The following AOAH variants were observed in gnomAD, a reference collection of about 807,000 sequenced individuals.
The protein encoded by AOAH is acyloxyacyl hydrolase (neutrophil).
In AOAH, 64 loss-of-function variants were observed where a neutral mutation model predicts 92.2. The observed-to-expected ratio is 0.69, with a 90% CI of 0.57 to 0.86. The LOEUF is 0.86. AOAH is among the 40% of genes least tolerant of loss of function. The pLI, the probability that AOAH is intolerant of heterozygous loss-of-function variation, is 0.00. For missense variants in AOAH, 656 were observed against 694.6 expected (o/e 0.94, Z 0.62); for synonymous variants, 263 against 254.5 (o/e 1.03, Z -0.32).
chr7:36,527,042 G>A (rs1784433647), intron 19 of AOAH, among the ~76,000 whole-genome samples: 1 of 152,220 alleles, frequency 6.6e-6, no homozygotes, highest in Non-Finnish European at 1.5e-5. Context: ...TTGGGGAGGT[G>A]TGGTGCAGAC....
At chr7:36,618,413 T>TA in intron 9 of AOAH, 68 bp from the exon 10 acceptor site, 1 of 1,444,882 alleles carries the variant, frequency 6.9e-7, no homozygotes, top group Non-Finnish European at 9.7e-7. Context: ...ACTAAAGCTC[T>TA]CCTAAATGGC....
chr7:36,645,300 C>T (rs1265988996), intron 4 of AOAH, among the ~76,000 whole-genome samples: 1 of 152,140 alleles, frequency 6.6e-6, no homozygotes, highest in Non-Finnish European at 1.5e-5. Flanking sequence ...GAGAACAAAG[C>T]GGTCTGCAGC....
chr7:36,652,882 C>T lies in AOAH; in HGVS notation c.390+6284G>A, dbSNP rs80116001. Among the ~76,000 whole-genome samples the T allele has an allele frequency of 6.6e-3, 1,000 of 152,212 alleles. 13 individuals carry two copies. Among genetic ancestry groups the T allele is most frequent in the African/African-American group, 0.023 (954 of 41,532 alleles). On this transcript the variant is annotated intron_variant, in intron 4 of 20. Coordinates refer to ENST00000617537, the MANE Select transcript of AOAH (RefSeq NM_001637.4). ...GAAAAAGAAATGCAATGCGTGTCCT[C>T]GACTAGATCCTGGAACAGAAGAGGA...
At position 36,607,981 on chromosome 7, in the gene AOAH, T is replaced by G. The variant is rs995321718; in HGVS notation, c.846+8399A>C. Among the ~76,000 whole-genome samples, 4 of 152,356 alleles carry G rather than the reference T, an allele frequency of 2.6e-5. No individual in the cohort carries two copies. In the East Asian group the frequency reaches 5.8e-4, roughly 22 times the overall value. ...CACTCCACTAGTCACTTAAGTTTGC[T>G]GCTTCAGCCCTGCTCAGCTGGAGGT... On this transcript the variant is annotated intron_variant, in intron 11 of 20. Coordinates refer to ENST00000617537, the MANE Select transcript of AOAH (RefSeq NM_001637.4).
chr7:36,713,571 G>C (rs899545628), intron 1 of AOAH, among the ~76,000 whole-genome samples: 19 of 152,072 alleles, frequency 1.2e-4, no homozygotes, highest in South Asian at 8.3e-4. Flanking sequence ...TGACCACATA[G>C]TTGGAAGTAA....
chr7:36,598,524 A>G (rs1221639306), intron 11 of AOAH, among the ~76,000 whole-genome samples: 1 of 152,228 alleles, frequency 6.6e-6, no homozygotes, highest in Non-Finnish European at 1.5e-5. Context: ...AGGAAGACCA[A>G]AAGACACAGT....
chr7:36,621,568 TCACTGAGC>T, intron 8 of AOAH, 134 bp downstream of exon 8: 3 of 842,782 alleles, frequency 3.6e-6, no homozygotes, highest in Admixed American at 2.1e-5. Flanking sequence ...CGTTCTTTTT[TCACTGAGC>T]TTTACTTCAA....
At chr7:36,711,929 A>G (rs1428729494) in intron 1 of AOAH, among the ~76,000 whole-genome samples, 5 of 152,234 alleles carry the variant, frequency 3.3e-5, no homozygotes, top group Non-Finnish European at 5.9e-5. Context: ...GTCCTCCTGG[A>G]GAACTAAGAT....
intron 11 of AOAH, among the ~76,000 whole-genome samples, chr7:36,607,213 T>C (rs114196486): frequency 1.1e-3 from 171 of 152,238 alleles, no homozygotes; most frequent in African/African-American, 3.4e-3. Context: ...TTCTGCCTTA[T>C]AGGGAGACAA....
At chr7:36,587,386 G>A (rs1380736245) in intron 12 of AOAH, among the ~76,000 whole-genome samples, 1 of 151,920 alleles carries the variant, frequency 6.6e-6, no homozygotes, top group Non-Finnish European at 1.5e-5. Context: ...ATGGATAGCT[G>A]TCTTTGATTC....
chr7:36,643,049 T>C (rs1794006973), intron 4 of AOAH, among the ~76,000 whole-genome samples: 1 of 152,220 alleles, frequency 6.6e-6, no homozygotes, highest in Admixed American at 6.5e-5. Flanking sequence ...TTAACAATAA[T>C]TGGTGTTTTT....
In AOAH at chr7:36,569,585, AT is replaced by A. The variant is rs1787977763; in HGVS notation, c.1021+6988del. ...GATTTACATATCTATCTATCTATCT[AT>A]CTATCTATCTATCTATCTATCTATC... On this transcript the variant is annotated intron_variant, in intron 13 of 20. Coordinates refer to ENST00000617537, the MANE Select transcript of AOAH (RefSeq NM_001637.4). Among the ~76,000 whole-genome samples the A allele has an allele frequency of 2.7e-5, 4 of 150,918 alleles. No individual in the cohort carries two copies. The South Asian group carries it at 8.4e-4, about 32-fold the overall frequency.
At chr7:36,624,492 G>A (rs1232052963) in intron 6 of AOAH, among the ~76,000 whole-genome samples, 1 of 152,172 alleles carries the variant, frequency 6.6e-6, no homozygotes, top group African/African-American at 2.4e-5. Context: ...AACACTGGAG[G>A]GCACTGTGCT....
intron 19 of AOAH, among the ~76,000 whole-genome samples, chr7:36,526,350 C>T (rs1203965215): frequency 6.6e-6 from 1 of 152,190 alleles, no homozygotes; most frequent in Non-Finnish European, 1.5e-5. Context: ...CTTAAGGGAG[C>T]TTCAGTAACT....
At chr7:36,705,649 G>A (rs4509214) in intron 1 of AOAH, among the ~76,000 whole-genome samples, 88,880 of 151,944 alleles carry the variant, frequency 0.58, 26,389 homozygotes, top group East Asian at 0.83. Context: ...AATTTCATAC[G>A]GAACCAAAAA....
chr7:36,594,757 G>C (rs1789988679), intron 11 of AOAH: 1 of 353,942 alleles, frequency 2.8e-6, no homozygotes, highest in Non-Finnish European at 5.4e-6. Flanking sequence ...CCATTTTGCA[G>C]TTTAGGCCAT....
intron 18 of AOAH, 48 bp downstream of exon 18, chr7:36,532,099 G>A (rs1261048258): frequency 1.2e-6 from 2 of 1,604,672 alleles, no homozygotes; most frequent in African/African-American, 2.7e-5. Context: ...AGCAAACACA[G>A]GGAAAGAATG....
intron 4 of AOAH, among the ~76,000 whole-genome samples, chr7:36,651,235 C>G (rs1794558900): frequency 6.6e-6 from 1 of 152,184 alleles, no homozygotes. Flanking sequence ...CTATCGCATG[C>G]CATATGTGCT....
rs370862776 is a variant in AOAH, at chr7:36,652,335, C to T, written c.390+6831G>A. The stretch of plus-strand genomic sequence containing the variant: ...GAATTATAACTCAAAGTATAAAATA[C>T]GTATACATGAATCTGTGCTAATATA... On this transcript the variant is annotated intron_variant, in intron 4 of 20. Transcript: ENST00000617537. 1.8e-4 allele frequency among the ~76,000 whole-genome samples: 28 copies of T among 152,174 alleles called. 1 individual carries two copies. Among genetic ancestry groups the T allele is most frequent in the Admixed American group, 9.8e-4 (15 of 15,280 alleles).
Sources: allele counts gnomAD v4.1 joint callset (sites outside exome capture counted in the v4.1 genomes callset), GRCh38; gene constraint gnomAD v4.1.1; transcripts MANE v1.5; gene names NCBI Gene and HGNC (gene_info 2026-07-23, HGNC 2026-07-21).